The following CREB5 variants were observed in gnomAD, a reference collection of about 807,000 sequenced individuals.
CREB5 encodes cyclic AMP-responsive element-binding protein 5.
In CREB5, 19 loss-of-function variants were observed where a neutral mutation model predicts 57.1. The ratio of observed to expected loss-of-function variants is 0.33; its 90% CI spans 0.23 to 0.49. The LOEUF is 0.49. Ranked by LOEUF, CREB5 falls within the 20% of genes least tolerant of loss-of-function variation. The pLI is 0.99. For missense variants in CREB5, 579 were observed against 671.6 expected (o/e 0.86, Z 1.52); for synonymous variants, 238 against 238.3 (o/e 1.00, Z 0.01).
intron 1 of CREB5, among the ~76,000 whole-genome samples, chr7:28,385,066 C>T (rs1787059525): frequency 6.6e-6 from 1 of 151,990 alleles, no homozygotes; most frequent in African/African-American, 2.4e-5. Context: ...TTACGTGCAT[C>T]TGTATTTTTA....
chr7:28,736,904 C>T (rs549096237), intron 7 of CREB5, among the ~76,000 whole-genome samples: 1 of 150,454 alleles, frequency 6.6e-6, no homozygotes, highest in African/African-American at 2.4e-5. Flanking sequence ...TCCCTAGAAC[C>T]GTGCATGGAG....
chr7:28,518,572 G>A (rs1793071517), intron 4 of CREB5, among the ~76,000 whole-genome samples: 1 of 152,198 alleles, frequency 6.6e-6, no homozygotes, highest in Non-Finnish European at 1.5e-5. Context: ...CAAGCCTTTG[G>A]ATAAGGAAGC....
Position 28,819,273 on chromosome 7 carries a change from T to G in CREB5, c.1521T>G (p.Ile507Met). ...LTTHRTDLNPIL is the reference protein window; with the variant it reads ...LTTHRTDLNPML ...CTCACAGAACAGACCTGAATCCGATTCTTTAAAATGCACCATCAGACCTGG... is the reference window on the plus strand; with the variant it reads ...CTCACAGAACAGACCTGAATCCGATGCTTTAAAATGCACCATCAGACCTGG... Residue 507 changes from isoleucine (I) to methionine (M), a missense_variant, in exon 11 of 11, where the codon ATT becomes ATG. Ile to Met is a conservative substitution (Grantham distance 10, BLOSUM62 1). This residue lies in a region of CREB5 where 114 missense variants were observed against 130.8 expected (regional missense o/e 0.87). Transcript: ENST00000357727. 6 of 1,613,010 alleles carry G rather than the reference T, an allele frequency of 3.7e-6. No individual in the cohort carries two copies. The highest frequency in any genetic ancestry group is 4.2e-6 in the Non-Finnish European group (5 of 1,179,458).
chr7:28,469,334 T>C (rs2391667), intron 1 of CREB5, among the ~76,000 whole-genome samples: 31,112 of 152,200 alleles, frequency 0.2, 3,572 homozygotes, highest in African/African-American at 0.3. Flanking sequence ...TGAATCCTGT[T>C]GTGCCCTGGG....
chr7:28,427,660 C>A (rs1788561487), intron 1 of CREB5, among the ~76,000 whole-genome samples: 1 of 152,056 alleles, frequency 6.6e-6, no homozygotes, highest in South Asian at 2.1e-4. Context: ...GGTCTGCCCT[C>A]CTTCTCCAGA....
chr7:28,818,589 G>T (rs1428617918), intron 10 of CREB5, among the ~76,000 whole-genome samples: 1 of 152,186 alleles, frequency 6.6e-6, no homozygotes, highest in African/African-American at 2.4e-5. Flanking sequence ...TACTCACTGG[G>T]CTGAAAAGCT....
rs1349119479 is a variant in CREB5, at chr7:28,809,441, G to A, written c.1254+27G>A. 6.4e-6 allele frequency: 10 copies of A among 1,568,432 alleles called. No individual in the cohort carries two copies. The East Asian group carries it at 2.1e-4, about 33-fold the overall frequency. ...TGCAGCCCACGGTGTCTTTCCCCGC[G>A]ACTCAAAGGCCCTCTGCTCCACGGG... On this transcript the variant is annotated intron_variant, in intron 9 of 10. Coordinates refer to ENST00000357727, the MANE Select transcript of CREB5 (RefSeq NM_182898.4).
In CREB5 at chr7:28,789,041, G is replaced by C. The variant is rs559545914; in HGVS notation, c.703-15158G>C. ...TGCCATGTTAATCTCCCTAACATGG[G>C]AGTCCTACTGGTTTTTCTGATGTGC... On this transcript the variant is annotated intron_variant, in intron 7 of 10. Transcript: ENST00000357727. Among the ~76,000 whole-genome samples, 5 of 152,260 alleles carry C rather than the reference G, an allele frequency of 3.3e-5. No individual in the cohort carries two copies. The South Asian group carries it at 1.0e-3, about 32-fold the overall frequency.
chr7:28,762,462 G>T (rs1038836431), intron 7 of CREB5, among the ~76,000 whole-genome samples: 1 of 152,086 alleles, frequency 6.6e-6, no homozygotes, highest in Non-Finnish European at 1.5e-5. Flanking sequence ...AAAATTGTAC[G>T]TGCAGCATTA....
In CREB5 at chr7:28,643,761, C is replaced by G. The variant is rs200702928; in HGVS notation, c.464+73224C>G. On this transcript the variant is annotated intron_variant, in intron 5 of 10. Transcript: ENST00000357727. ...CACGGGTTTGGGAGGTGGGGGGGGG[C>G]GGAAGAAAAAAAAAAAACACACAAA... Among the ~76,000 whole-genome samples the G allele has an allele frequency of 8.2e-4, 46 of 55,876 alleles. 1 individual carries two copies. Among genetic ancestry groups the G allele is most frequent in the East Asian group, 6.8e-3 (2 of 292 alleles). The allele number at this position is 55,876 out of a possible 152,430, so 36.7% of individuals were successfully genotyped here.
At chr7:28,434,863 C>T (rs1788882944) in intron 1 of CREB5, among the ~76,000 whole-genome samples, 1 of 152,156 alleles carries the variant, frequency 6.6e-6, no homozygotes, top group South Asian at 2.1e-4. Context: ...ATCAATTCCA[C>T]AGATTCATAG....
rs560302922 is a variant in CREB5, at chr7:28,430,494, C to T, written c.3+17577C>T. Among the ~76,000 whole-genome samples, 4 of 152,292 alleles carry T rather than the reference C, an allele frequency of 2.6e-5. No homozygotes were observed. In the East Asian group the frequency reaches 7.7e-4, roughly 29 times the overall value. On this transcript the variant is annotated intron_variant, in intron 1 of 10. Coordinates refer to ENST00000357727, the MANE Select transcript of CREB5 (RefSeq NM_182898.4). ...GATGGCCATGAATGTGAAAACACCA[C>T]TTGGATTTTAAAATGCTATGCAAAT...
At chr7:28,576,512 A>C (rs1416270403) in intron 5 of CREB5, among the ~76,000 whole-genome samples, 1 of 152,206 alleles carries the variant, frequency 6.6e-6, no homozygotes, top group Non-Finnish European at 1.5e-5. Context: ...TGGAAGACCC[A>C]TGACTGTGCC....
At chr7:28,705,108 T>A (rs552565132) in intron 5 of CREB5, among the ~76,000 whole-genome samples, 3 of 152,306 alleles carry the variant, frequency 2.0e-5, no homozygotes, top group African/African-American at 4.8e-5. Context: ...CTGACGCCTA[T>A]AATCCCAGCA....
chr7:28,454,561 G>A (rs971215388), intron 1 of CREB5, among the ~76,000 whole-genome samples: 2 of 152,188 alleles, frequency 1.3e-5, no homozygotes, highest in East Asian at 3.9e-4. Flanking sequence ...AGCACCTGTG[G>A]ATACCTCACC....
chr7:28,622,968 C>T (rs1243328578), intron 5 of CREB5, among the ~76,000 whole-genome samples: 3 of 152,170 alleles, frequency 2.0e-5, no homozygotes, highest in East Asian at 3.9e-4. Context: ...CTGCAACCCC[C>T]GTCTCCCGGG....
intron 1 of CREB5, among the ~76,000 whole-genome samples, chr7:28,455,524 A>G (rs1790055183): frequency 6.6e-6 from 1 of 152,250 alleles, no homozygotes. Context: ...AAATCCTCTA[A>G]GTATGTGGTA....
At chr7:28,498,157 C>T (rs763742546) in intron 3 of CREB5, among the ~76,000 whole-genome samples, 1 of 152,014 alleles carries the variant, frequency 6.6e-6, no homozygotes, top group Non-Finnish European at 1.5e-5. Context: ...ATTTTATTTA[C>T]CTTATCATAT....
intron 5 of CREB5, among the ~76,000 whole-genome samples, chr7:28,648,450 CT>C (rs1798989336): frequency 6.6e-6 from 1 of 152,026 alleles, no homozygotes; most frequent in African/African-American, 2.4e-5. Context: ...AAGATGATAA[CT>C]TTGGCCGGGT....
Sources: gnomAD v4.1 joint callset for allele counts (sites outside exome capture counted in the v4.1 genomes callset) on GRCh38, gnomAD v4.1.1 for gene constraint, gnomAD v4.1.1 regional missense constraint, MANE v1.5 for transcripts, NCBI Gene and HGNC (gene_info 2026-07-23, HGNC 2026-07-21) for gene names.